LRP1B: variants seen among roughly 807,000 people sequenced by gnomAD.
The protein encoded by LRP1B is low-density lipoprotein receptor-related protein 1B.
Under a neutral mutation model 556.6 loss-of-function variants are expected in LRP1B, and 217 were observed. The observed-to-expected ratio is 0.39, with a 90% CI of 0.35 to 0.44. The LOEUF is 0.44. Ranked by LOEUF, LRP1B falls within the 20% of genes least tolerant of loss-of-function variation. The pLI, the probability that LRP1B is intolerant of heterozygous loss-of-function variation, is 1.00. For synonymous variants in LRP1B, 2,047 were observed against 1,865.8 expected, an observed-to-expected ratio of 1.10 and a Z score of -2.50; for missense variants, 5,053 against 5,620.8, an observed-to-expected ratio of 0.90 and a Z score of 3.23.
At chr2:141,166,417 T>C (rs1037958977) in intron 7 of LRP1B, among the ~76,000 whole-genome samples, 1 of 150,976 alleles carries the variant, frequency 6.6e-6, no homozygotes, top group African/African-American at 2.4e-5. Flanking sequence ...ATAATAGGTG[T>C]ATATATTTAA....
intron 32 of LRP1B, among the ~76,000 whole-genome samples, chr2:140,797,738 T>C (rs550702804): frequency 6.6e-6 from 1 of 152,166 alleles, no homozygotes; most frequent in East Asian, 1.9e-4. Flanking sequence ...ATAAGCTATT[T>C]TTTAACTAGA....
chr2:140,799,361 C>T (rs758196908), intron 32 of LRP1B, among the ~76,000 whole-genome samples: 6 of 151,984 alleles, frequency 3.9e-5, no homozygotes, highest in Non-Finnish European at 5.9e-5. Context: ...TGTAAGAACC[C>T]GTCAAGAAGG....
At chr2:141,314,887 CATATATACAT>C (rs1686958812) in intron 3 of LRP1B, among the ~76,000 whole-genome samples, 2 of 134,288 alleles carry the variant, frequency 1.5e-5, no homozygotes, top group Admixed American at 7.6e-5. Flanking sequence ...TACATATATA[CATATATACAT>C]ATATATATAT....
chr2:140,617,673 A>T (rs1232774642), intron 41 of LRP1B, among the ~76,000 whole-genome samples: 1 of 152,046 alleles, frequency 6.6e-6, no homozygotes, highest in Non-Finnish European at 1.5e-5. Flanking sequence ...GAGATAAAGG[A>T]CTTTCTATTC....
At chr2:141,043,037 CA>C (rs57176510) in intron 11 of LRP1B, among the ~76,000 whole-genome samples, 8,972 of 122,008 alleles carry the variant, frequency 0.074, 619 homozygotes, top group African/African-American at 0.19. Flanking sequence ...ACAAAAAATA[CA>C]AAAAAAAAAA....
At chr2:140,831,299 C>T (rs970951054) in intron 31 of LRP1B, among the ~76,000 whole-genome samples, 6 of 152,146 alleles carry the variant, frequency 3.9e-5, no homozygotes, top group East Asian at 1.9e-4. Context: ...GTAAACAAAA[C>T]GGCATGGTGC....
At chr2:141,425,736 T>G (rs541311915) in intron 3 of LRP1B, among the ~76,000 whole-genome samples, 1,606 of 152,206 alleles carry the variant, frequency 0.011, 29 homozygotes, top group African/African-American at 0.036. Flanking sequence ...AAGTGTCTGT[T>G]CATTTCCTTT....
In LRP1B at chr2:140,885,811, A is replaced by T. The variant is rs1280660552; in HGVS notation, c.3964+327T>A. Among the ~76,000 whole-genome samples the T allele has an allele frequency of 1.3e-5, 2 of 151,950 alleles. 1 individual carries two copies. On this transcript the variant is annotated intron_variant, in intron 24 of 90. Transcript: ENST00000389484. ...ATGGTAGCAAAATTAAAAAAAAAAA[A>T]AAAACAAGTTATTGTAACTCCTAAA...
intron 6 of LRP1B, among the ~76,000 whole-genome samples, chr2:141,227,924 T>C (rs1683307888): frequency 6.6e-6 from 1 of 152,146 alleles, no homozygotes. Flanking sequence ...TGTCTCTTCA[T>C]TTCTCTTCTC....
At chr2:141,481,207 T>G (rs994956487) in intron 2 of LRP1B, among the ~76,000 whole-genome samples, 1 of 152,202 alleles carries the variant, frequency 6.6e-6, no homozygotes, top group Admixed American at 6.6e-5. Context: ...ATTTGTGTTT[T>G]TAAGATAAGC....
At chr2:141,142,614 A>G (rs1238166704) in intron 7 of LRP1B, among the ~76,000 whole-genome samples, 1 of 152,158 alleles carries the variant, frequency 6.6e-6, no homozygotes, top group Non-Finnish European at 1.5e-5. Flanking sequence ...TATTCCAATG[A>G]GTTGAGGCTT....
intron 43 of LRP1B, among the ~76,000 whole-genome samples, chr2:140,571,799 T>C (rs1164813349): frequency 6.6e-6 from 1 of 151,614 alleles, no homozygotes; most frequent in Non-Finnish European, 1.5e-5. Flanking sequence ...GGCATAACAA[T>C]GGACAATTAG....
chr2:141,160,677 C>T (rs1312591452), intron 7 of LRP1B, among the ~76,000 whole-genome samples: 2 of 151,892 alleles, frequency 1.3e-5, no homozygotes, highest in East Asian at 3.9e-4. Context: ...AACCATAAAA[C>T]TATACTTATT....
At chr2:140,261,800 C>T (rs1034137683) in intron 86 of LRP1B, among the ~76,000 whole-genome samples, 5 of 151,600 alleles carry the variant, frequency 3.3e-5, no homozygotes, top group African/African-American at 9.7e-5. Flanking sequence ...AGGAACTGAA[C>T]GGAAACCAAA....
intron 15 of LRP1B, among the ~76,000 whole-genome samples, chr2:141,002,507 G>T (rs1697455453): frequency 6.6e-6 from 1 of 151,894 alleles, no homozygotes; most frequent in Non-Finnish European, 1.5e-5. Context: ...ATAAAATAGT[G>T]CAGTATTTGC....
chr2:142,089,614 G>T (rs1706083630), intron 1 of LRP1B, among the ~76,000 whole-genome samples: 1 of 152,130 alleles, frequency 6.6e-6, no homozygotes, highest in African/African-American at 2.4e-5. Context: ...GGACAAGTGT[G>T]GTCCAAGACT....
rs78337621 is a variant in LRP1B, at chr2:140,750,000, G to C, written c.5758+19213C>G. The stretch of plus-strand genomic sequence containing the variant: ...TTTTTCATCTTCGTTATAATCTTAT[G>C]GGACCACCTTTGTGTATGTTGTCCA... On this transcript the variant is annotated intron_variant, in intron 35 of 90. Transcript: ENST00000389484. Among the ~76,000 whole-genome samples the C allele has an allele frequency of 7.1e-4, 108 of 152,056 alleles. 3 individuals carry two copies. The East Asian group carries it at 0.019, about 27-fold the overall frequency.
At chr2:140,874,223 T>C (rs1693231970) in intron 25 of LRP1B, among the ~76,000 whole-genome samples, 1 of 152,150 alleles carries the variant, frequency 6.6e-6, no homozygotes, top group Non-Finnish European at 1.5e-5. Context: ...CAATAAATAA[T>C]TGGTTAGAAC....
chr2:141,427,543 A>C (rs1680415088), intron 3 of LRP1B, among the ~76,000 whole-genome samples: 1 of 152,182 alleles, frequency 6.6e-6, no homozygotes, highest in Non-Finnish European at 1.5e-5. Flanking sequence ...ATATAGCAAA[A>C]AGTGGAAATG....
Sources: allele counts gnomAD v4.1 joint callset (sites outside exome capture counted in the v4.1 genomes callset), GRCh38; gene constraint gnomAD v4.1.1; transcripts MANE v1.5; gene names NCBI Gene and HGNC (gene_info 2026-07-23, HGNC 2026-07-21).